FOXP2: variants seen among roughly 807,000 people sequenced by gnomAD.
The protein encoded by FOXP2 is forkhead box P2.
A neutral mutation model predicts 115.8 loss-of-function variants in FOXP2; 12 were observed. The observed-to-expected ratio is 0.10, with a 90% CI of 0.07 to 0.17. The LOEUF is 0.17. Among genes scored for constraint, FOXP2 ranks in the 10% least tolerant of loss-of-function variants. FOXP2 has a pLI of 1.00. For missense variants in FOXP2, 629 were observed against 843.5 expected, an observed-to-expected ratio of 0.75 and a Z score of 3.15; for synonymous variants, 328 against 297.7, an observed-to-expected ratio of 1.10 and a Z score of -1.05.
At position 114,664,508 on chromosome 7, in the gene FOXP2, C is replaced by T. The variant is rs1378771; in HGVS notation, c.2003+72C>T. 0.42 allele frequency: 654,718 copies of T among 1,568,670 alleles called. 144,816 individuals are homozygous for T. Among genetic ancestry groups the T allele is most frequent in the Non-Finnish European group, 0.46 (533,644 of 1,149,030 alleles). On this transcript the variant is annotated intron_variant, in intron 16 of 16. Coordinates refer to ENST00000350908, the MANE Select transcript of FOXP2 (RefSeq NM_014491.4). ...ATGCTTCTTAAATTTAGAATTTTTC[C>T]GAAGTTTTTACTGTTGTATAAGTTG...
At chr7:114,427,842 A>G (rs545378790) in intron 2 of FOXP2, among the ~76,000 whole-genome samples, 1 of 151,768 alleles carries the variant, frequency 6.6e-6, no homozygotes, top group East Asian at 1.9e-4. Flanking sequence ...TTTCAAGAAT[A>G]ATCTTTTATA....
rs764918013 is a variant in FOXP2 at position 114,692,656 on chromosome 7, C to T, written c.*2730C>T. The T allele has an allele frequency of 2.7e-5, 12 of 441,642 alleles. No homozygotes were observed. Among genetic ancestry groups the T allele is most frequent in the South Asian group, 1.9e-4 (12 of 61,592 alleles). The allele number at this position is 441,642 out of a possible 1,614,324, so 27.4% of individuals were successfully genotyped here. ...TTTGAACTAATGTATGTATTTATTG[C>T]TTGAACTTCTGTGCATACCTTATAA... On this transcript the variant is annotated 3_prime_UTR_variant, in exon 17 of 17. Coordinates refer to ENST00000350908, the MANE Select transcript of FOXP2 (RefSeq NM_014491.4).
chr7:114,246,241 G>T (rs1029457901), intron 1 of FOXP2, among the ~76,000 whole-genome samples: 1 of 151,970 alleles, frequency 6.6e-6, no homozygotes, highest in Non-Finnish European at 1.5e-5. Flanking sequence ...AGTTTTCAAA[G>T]AGCCCTTTAA....
At chr7:114,397,766 T>C (rs1186590164) in intron 2 of FOXP2, among the ~76,000 whole-genome samples, 5 of 152,150 alleles carry the variant, frequency 3.3e-5, no homozygotes, top group African/African-American at 1.2e-4. Context: ...AGCAGGAGAC[T>C]GACTCAATTT....
chr7:114,275,910 G>C (rs1169713619), intron 1 of FOXP2, among the ~76,000 whole-genome samples: 1 of 152,186 alleles, frequency 6.6e-6, no homozygotes, highest in African/African-American at 2.4e-5. Flanking sequence ...AACTTCACAA[G>C]TGTTTTTCAG....
chr7:114,277,477 C>T (rs1322604251), intron 1 of FOXP2, among the ~76,000 whole-genome samples: 5 of 151,654 alleles, frequency 3.3e-5, no homozygotes, highest in Non-Finnish European at 1.5e-5. Context: ...CTTATACCTA[C>T]GTGATTTTTT....
At chr7:114,559,844 G>A (rs573496585) in intron 3 of FOXP2, among the ~76,000 whole-genome samples, 224 of 150,202 alleles carry the variant, frequency 1.5e-3, no homozygotes, top group Non-Finnish European at 2.5e-3. Context: ...AGCCAATATC[G>A]TGCCACTGCA....
chr7:114,345,613 T>C (rs1199129212), intron 2 of FOXP2, among the ~76,000 whole-genome samples: 1 of 151,788 alleles, frequency 6.6e-6, no homozygotes, highest in Non-Finnish European at 1.5e-5. Context: ...CTATACTTTA[T>C]ATGATCTCAT....
intron 2 of FOXP2, among the ~76,000 whole-genome samples, chr7:114,520,360 A>G (rs1267999599): frequency 1.3e-5 from 2 of 152,122 alleles, no homozygotes; most frequent in South Asian, 4.1e-4. Flanking sequence ...AGCATGACCA[A>G]TGTAGTTTAG....
chr7:114,575,402 G>A (rs1801520798), intron 3 of FOXP2, among the ~76,000 whole-genome samples: 1 of 151,728 alleles, frequency 6.6e-6, no homozygotes, highest in Non-Finnish European at 1.5e-5. Flanking sequence ...TGTATTTTTG[G>A]TATTAACACT....
At chr7:114,111,718 T>C (rs1240902100) in intron 1 of FOXP2, among the ~76,000 whole-genome samples, 1 of 152,056 alleles carries the variant, frequency 6.6e-6, no homozygotes, top group African/African-American at 2.4e-5. Flanking sequence ...TAAAAAAATA[T>C]ATCCTGGTTG....
intron 3 of FOXP2, among the ~76,000 whole-genome samples, chr7:114,584,212 A>AT (rs753251022): frequency 2.5e-4 from 38 of 151,598 alleles, no homozygotes; most frequent in Admixed American, 1.4e-3. Flanking sequence ...CATTTTTCTG[A>AT]TTTTTTTTTA....
At chr7:114,574,494 T>A (rs1311138445) in intron 3 of FOXP2, among the ~76,000 whole-genome samples, 1 of 151,860 alleles carries the variant, frequency 6.6e-6, no homozygotes, top group Non-Finnish European at 1.5e-5. Flanking sequence ...CTTTTTTTCC[T>A]GATTTATCAA....
chr7:114,212,742 G>C (rs1794392783), intron 1 of FOXP2, among the ~76,000 whole-genome samples: 2 of 152,090 alleles, frequency 1.3e-5, no homozygotes, highest in Non-Finnish European at 2.9e-5. Context: ...ATTAAGAATA[G>C]AATAAGACAG....
intron 1 of FOXP2, among the ~76,000 whole-genome samples, chr7:114,286,678 TGAA>T (rs1390724368): frequency 6.6e-6 from 1 of 151,986 alleles, no homozygotes; most frequent in Non-Finnish European, 1.5e-5. Flanking sequence ...AAAAGGAATA[TGAA>T]GAACAGGAAT....
At chr7:114,385,636 G>A (rs1385372128) in intron 2 of FOXP2, among the ~76,000 whole-genome samples, 1 of 152,108 alleles carries the variant, frequency 6.6e-6, no homozygotes, top group Non-Finnish European at 1.5e-5. Context: ...TCTTAAGTTC[G>A]GCGACCATGC....
chr7:114,387,323 C>A (rs1792477941), intron 2 of FOXP2, among the ~76,000 whole-genome samples: 1 of 152,116 alleles, frequency 6.6e-6, no homozygotes, highest in Non-Finnish European at 1.5e-5. Flanking sequence ...AAAAAATATT[C>A]TCTTCTCTTG....
At chr7:114,378,307 G>A (rs1792191980) in intron 2 of FOXP2, among the ~76,000 whole-genome samples, 2 of 151,952 alleles carry the variant, frequency 1.3e-5, no homozygotes, top group Non-Finnish European at 2.9e-5. Flanking sequence ...GCTAAATCTT[G>A]ACTAATTCAG....
At chr7:114,620,458 A>G (rs1429944257) in intron 3 of FOXP2, among the ~76,000 whole-genome samples, 1 of 152,072 alleles carries the variant, frequency 6.6e-6, no homozygotes, top group Non-Finnish European at 1.5e-5. Flanking sequence ...CTTGTAATTT[A>G]CTGCATGTCA....
Sources: gnomAD v4.1 joint callset for allele counts (sites outside exome capture counted in the v4.1 genomes callset) on GRCh38, gnomAD v4.1.1 for gene constraint, MANE v1.5 for transcripts, NCBI Gene and HGNC (gene_info 2026-07-23, HGNC 2026-07-21) for gene names.